KANSL1L: variants seen among roughly 807,000 people sequenced by gnomAD.
KANSL1L encodes KAT8 regulatory NSL complex subunit 1-like protein.
KANSL1L carries 25 observed loss-of-function variants against 108.6 expected under a neutral mutation model. That is an observed-to-expected ratio of 0.23 (90% CI 0.17 to 0.32). The LOEUF (loss-of-function observed/expected upper bound fraction) is 0.32, where lower values mean the gene tolerates loss of function less well. Among genes scored for constraint, KANSL1L ranks in the 10% least tolerant of loss-of-function variants. The pLI is 1.00. For missense variants in KANSL1L, 1,137 were observed against 1,125.7 expected (o/e 1.01, Z -0.14); for synonymous variants, 405 against 395.1 (o/e 1.03, Z -0.30).
At chr2:210,034,162 AG>A (rs2094067114) in intron 8 of KANSL1L, among the ~76,000 whole-genome samples, 1 of 152,202 alleles carries the variant, frequency 6.6e-6, no homozygotes, top group African/African-American at 2.4e-5. Flanking sequence ...TCTAAACCCT[AG>A]GTAAGCAAAA....
chr2:210,099,448 T>C (rs1559554550), intron 4 of KANSL1L, among the ~76,000 whole-genome samples: 1 of 152,198 alleles, frequency 6.6e-6, no homozygotes, highest in Non-Finnish European at 1.5e-5. Context: ...AAAAAATCTT[T>C]CATGAGAAAG....
intron 5 of KANSL1L, among the ~76,000 whole-genome samples, chr2:210,081,465 C>T (rs1178858974): frequency 6.6e-6 from 1 of 152,148 alleles, no homozygotes; most frequent in Non-Finnish European, 1.5e-5. Flanking sequence ...GGTCAAATTC[C>T]CTGAGCTCTG....
At chr2:210,078,093 T>C (rs978864731) in intron 5 of KANSL1L, among the ~76,000 whole-genome samples, 2 of 152,228 alleles carry the variant, frequency 1.3e-5, no homozygotes, top group African/African-American at 4.8e-5. Flanking sequence ...GCTCCTAGGC[T>C]ACAAACCTGT....
At chr2:210,149,404 A>T (rs1273132519) in intron 2 of KANSL1L, among the ~76,000 whole-genome samples, 1 of 152,140 alleles carries the variant, frequency 6.6e-6, no homozygotes, top group Non-Finnish European at 1.5e-5. Context: ...TAAGGTAAGA[A>T]ATCAACATAT....
chr2:210,032,572 T>A (rs1317252652), intron 8 of KANSL1L: 1 of 152,204 alleles, frequency 6.6e-6, no homozygotes, highest in Non-Finnish European at 1.5e-5. Context: ...AATATCTCAG[T>A]CAGACTAACA....
chr2:210,138,744 T>G (rs761276479), intron 2 of KANSL1L, among the ~76,000 whole-genome samples: 3 of 152,166 alleles, frequency 2.0e-5, no homozygotes, highest in Non-Finnish European at 4.4e-5. Flanking sequence ...ATATACTTTT[T>G]CTATGGTGGG....
chr2:210,024,651 G>A (rs961504005), intron 13 of KANSL1L, among the ~76,000 whole-genome samples: 1 of 151,862 alleles, frequency 6.6e-6, no homozygotes, highest in Non-Finnish European at 1.5e-5. Flanking sequence ...GCTCATTTGT[G>A]TTTCTAAAAG....
rs1211858902 is a variant in KANSL1L, at chr2:210,079,626, A to G, written c.1551-3870T>C. ...AATATGTATGTGTATATATATATAT[A>G]TATATATATATATATATATATATAT... On this transcript the variant is annotated intron_variant, in intron 5 of 14. Coordinates refer to ENST00000281772, the MANE Select transcript of KANSL1L (RefSeq NM_152519.4). 8.1e-3 allele frequency among the ~76,000 whole-genome samples: 40 copies of G among 4,948 alleles called. 1 individual carries two copies. Among genetic ancestry groups the G allele is most frequent in the African/African-American group, 0.019 (32 of 1,710 alleles). 3.2% of individuals were successfully genotyped at this position (4,948 alleles called of 152,430 possible). A position where few individuals can be genotyped will look rare whatever the true frequency, so the allele number is the denominator to read the frequency against.
chr2:210,153,365 T>C, intron 2 of KANSL1L, 130 bp downstream of exon 2: 2 of 735,268 alleles, frequency 2.7e-6, no homozygotes, highest in Admixed American at 3.3e-5. Flanking sequence ...AAAATAAAAA[T>C]TAAAAAAAAA....
intron 5 of KANSL1L, among the ~76,000 whole-genome samples, chr2:210,085,733 T>C (rs1171541938): frequency 6.6e-6 from 1 of 151,798 alleles, no homozygotes; most frequent in East Asian, 1.9e-4. Context: ...AATATTTCAA[T>C]ATAAGCATGT....
chr2:210,096,650 T>C, intron 5 of KANSL1L: 10 of 983,936 alleles, frequency 1.0e-5, no homozygotes, highest in South Asian at 4.7e-5. Context: ...CAGCTTAAAA[T>C]ACATTCACCT....
At chr2:210,147,037 T>G (rs9807977) in intron 2 of KANSL1L, among the ~76,000 whole-genome samples, 380 of 152,280 alleles carry the variant, frequency 2.5e-3, no homozygotes, top group African/African-American at 8.8e-3. Context: ...CTAACAACAC[T>G]GAGAGAAAAT....
chr2:210,125,956 C>T (rs1267504178), intron 3 of KANSL1L, among the ~76,000 whole-genome samples: 1 of 152,090 alleles, frequency 6.6e-6, no homozygotes, highest in Admixed American at 6.5e-5. Context: ...TTCTATTCAA[C>T]ACAGTATTGG....
chr2:210,042,117 A>T (rs891707637), intron 7 of KANSL1L, among the ~76,000 whole-genome samples: 1 of 152,190 alleles, frequency 6.6e-6, no homozygotes, highest in Admixed American at 6.5e-5. Flanking sequence ...TTGTGGGAAA[A>T]CATGATCTAA....
In KANSL1L at chr2:210,153,679, C is replaced by G; in HGVS notation, c.904G>C (p.Glu302Gln). The G allele has an allele frequency of 6.2e-7, 1 of 1,608,976 alleles. No individual in the cohort carries two copies. ...TTTGCATCATCCCACAATTTATTCT[C>G]TGCAGTCAATGTGTTAACTTCTGGC... is the stretch of plus-strand genomic sequence containing the variant. Reference protein sequence around the residue: ...IKPEVNTLTAENKLWDDAKNG... With the variant: ...IKPEVNTLTAQNKLWDDAKNG... Residue 302 changes from glutamate (E) to glutamine (Q), a missense_variant, in exon 2 of 15, where the codon GAG becomes CAG. This residue lies in a region of KANSL1L where 556 missense variants were observed against 537.7 expected (regional missense o/e 1.03). Transcript: ENST00000281772.
chr2:210,067,219 C>A (rs561552858), intron 6 of KANSL1L, among the ~76,000 whole-genome samples: 2 of 152,288 alleles, frequency 1.3e-5, no homozygotes, highest in African/African-American at 4.8e-5. Flanking sequence ...CTCCAGCTGG[C>A]AGACAGCATA....
At chr2:210,046,175 A>G (rs931500360) in intron 6 of KANSL1L, among the ~76,000 whole-genome samples, 3 of 152,156 alleles carry the variant, frequency 2.0e-5, no homozygotes, top group African/African-American at 7.2e-5. Context: ...CCCTATCCAA[A>G]TAACATCACA....
At chr2:210,127,797 T>C (rs1296251595) in intron 3 of KANSL1L, among the ~76,000 whole-genome samples, 3 of 5,570 alleles carry the variant, frequency 5.4e-4, no homozygotes, top group Non-Finnish European at 2.0e-3. Context: ...AGACTCTGCC[T>C]CAAAAAAAAA....
chr2:210,052,072 A>C (rs1182499513), intron 6 of KANSL1L, among the ~76,000 whole-genome samples: 1 of 149,036 alleles, frequency 6.7e-6, no homozygotes, highest in East Asian at 2.0e-4. Flanking sequence ...ACAATCTATC[A>C]AGACTCACTG....
Sources: gnomAD v4.1 joint callset for allele counts (sites outside exome capture counted in the v4.1 genomes callset) on GRCh38, gnomAD v4.1.1 for gene constraint, gnomAD v4.1.1 regional missense constraint, MANE v1.5 for transcripts, NCBI Gene and HGNC (gene_info 2026-07-23, HGNC 2026-07-21) for gene names.